The following DHX40 variants were observed in gnomAD, a reference collection of about 807,000 sequenced individuals.
DHX40 encodes the protein probable ATP-dependent RNA helicase DHX40.
In DHX40, 28 loss-of-function variants were observed where a neutral mutation model predicts 89.6. The observed-to-expected ratio is 0.31, with a 90% confidence interval of 0.23 to 0.43. The LOEUF (loss-of-function observed/expected upper bound fraction) is 0.43. Among genes scored for constraint, DHX40 ranks in the 20% least tolerant of loss-of-function variants. The pLI is 1.00. For missense variants in DHX40, 457 were observed against 844.0 expected (o/e 0.54, Z 5.68); for synonymous variants, 226 against 283.6 (o/e 0.80, Z 2.04).
intron 12 of DHX40, among the ~76,000 whole-genome samples, chr17:59,597,996 A>G (rs1275885984): frequency 2.7e-5 from 4 of 146,884 alleles, no homozygotes; most frequent in Non-Finnish European, 6.0e-5. Flanking sequence ...CCTCCTGAGT[A>G]GCTGGGACTA....
Position 59,587,911 on chromosome 17 carries a change from C to T in DHX40, c.1440C>T (p.Thr480=). The T allele has an allele frequency of 1.2e-6, 2 of 1,613,052 alleles. No individual in the cohort carries two copies. The highest frequency in any genetic ancestry group is 1.7e-6 in the Non-Finnish European group (2 of 1,179,466). The part of the protein sequence containing the change: ...CDAIDRSGHV[T]RLGLSMVEFP... ...TTGTATTAAGGAGTGGCCATGTCAC[C>T]AGATTGGGTTTGTCTATGGTGGAGT... The change falls in exon 12 of 18, where the codon ACC becomes ACT. Residue 480 remains threonine (T), a synonymous_variant. Transcript: ENST00000251241.
rs191816784 is a variant in DHX40, at chr17:59,601,560, T to C, written c.1807-962T>C. On this transcript the variant is annotated intron_variant, in intron 14 of 17. Transcript: ENST00000251241. Reference sequence around the variant, plus strand: ...ATTTTTACATTTTATTTTTCAGGTCTCTACTTTTTGAACATATGTAATCCA... The same window carrying C: ...ATTTTTACATTTTATTTTTCAGGTCCCTACTTTTTGAACATATGTAATCCA... Among the ~76,000 whole-genome samples the C allele has an allele frequency of 2.2e-4, 34 of 152,288 alleles. No homozygotes were observed. The East Asian group carries it at 6.5e-3, about 29-fold the overall frequency.
chr17:59,570,737 T>C (rs928624860), intron 3 of DHX40, 74 bp downstream of exon 3: 18 of 1,458,194 alleles, frequency 1.2e-5, no homozygotes, highest in African/African-American at 5.8e-5. Flanking sequence ...CAGCCTGGAG[T>C]GCGTGGCGCA....
At chr17:59,574,363 G>A (rs1292397806) in intron 6 of DHX40, 109 bp downstream of exon 6, 4 of 362,880 alleles carry the variant, frequency 1.1e-5, no homozygotes, top group Non-Finnish European at 2.1e-5. Context: ...CTCAAGTGTT[G>A]CCCTAGCTTT....
intron 3 of DHX40, 56 bp downstream of exon 3, chr17:59,570,719 C>A: frequency 6.5e-7 from 1 of 1,545,912 alleles, no homozygotes; most frequent in South Asian, 1.2e-5. Context: ...GGGTCTTGCT[C>A]TGTCGCCCAG....
chr17:59,601,306 C>G (rs2030509244), intron 14 of DHX40, among the ~76,000 whole-genome samples: 1 of 152,150 alleles, frequency 6.6e-6, no homozygotes, highest in African/African-American at 2.4e-5. Context: ...AAGACCCTGA[C>G]TCAAAACAAA....
At chr17:59,606,387 A>G (rs1178089690) in intron 17 of DHX40, among the ~76,000 whole-genome samples, 1 of 152,198 alleles carries the variant, frequency 6.6e-6, no homozygotes, top group African/African-American at 2.4e-5. Flanking sequence ...TTTATTTGAC[A>G]TCACTGCAAA....
chr17:59,571,313 T>C (rs1277185896), intron 3 of DHX40, among the ~76,000 whole-genome samples: 2 of 151,924 alleles, frequency 1.3e-5, no homozygotes, highest in South Asian at 2.1e-4. Context: ...CAAAATTAGC[T>C]GGGCACGGTG....
At chr17:59,575,627 G>A (rs1179716096) in intron 7 of DHX40, 156 bp downstream of exon 7, 1 of 633,730 alleles carries the variant, frequency 1.6e-6, no homozygotes, top group Non-Finnish European at 2.9e-6. Flanking sequence ...AAACAAATCA[G>A]TGAGAACCAG....
chr17:59,571,024 C>T (rs144288635), intron 3 of DHX40, among the ~76,000 whole-genome samples: 407 of 152,228 alleles, frequency 2.7e-3, no homozygotes, highest in African/African-American at 9.5e-3. Context: ...AGTTTATTTT[C>T]TTAGGATTCT....
chr17:59,589,852 C>T (rs2049056025), intron 12 of DHX40, among the ~76,000 whole-genome samples: 1 of 147,996 alleles, frequency 6.8e-6, no homozygotes, highest in South Asian at 2.1e-4. Flanking sequence ...TCCCAGGTAG[C>T]TGGGATTACA....
At chr17:59,603,353 T>A (rs973607005) in intron 15 of DHX40, 1 of 152,184 alleles carries the variant, frequency 6.6e-6, no homozygotes, top group Non-Finnish European at 1.5e-5. Context: ...ATAATAACAA[T>A]GAATAGACAT....
At position 59,566,808 on chromosome 17, in the gene DHX40, G is replaced by T. The variant is rs764400505; in HGVS notation, c.280+14G>T. ...TATATGAAGCAGGTGATTTTTTTCT[G>T]TTGTAATAATTGGAAATATTTTAAA... On this transcript the variant is annotated intron_variant, in intron 2 of 17. Coordinates refer to ENST00000251241, the MANE Select transcript of DHX40 (RefSeq NM_024612.5). 1.3e-6 allele frequency: 2 copies of T among 1,553,908 alleles called. No homozygotes were observed. The highest frequency in any genetic ancestry group is 2.8e-5 in the African/African-American group (2 of 71,104).
intron 1 of DHX40, 107 bp downstream of exon 1, chr17:59,565,890 C>A: frequency 2.1e-6 from 2 of 948,968 alleles, no homozygotes; most frequent in African/African-American, 1.7e-5. Context: ...AGTGAGGAAG[C>A]CGTGGCGTTC....
At position 59,588,526 on chromosome 17, in the gene DHX40, T is replaced by G. The variant is rs2049034332; in HGVS notation, c.1582+473T>G. Among the ~76,000 whole-genome samples the G allele has an allele frequency of 4.6e-5, 7 of 152,240 alleles. No individual in the cohort carries two copies. In the South Asian group the frequency reaches 1.5e-3, roughly 32 times the overall value. On this transcript the variant is annotated intron_variant, in intron 12 of 17. Coordinates refer to ENST00000251241, the MANE Select transcript of DHX40 (RefSeq NM_024612.5). ...TCTGTATTTTTAGTAGAGGCGCGGT[T>G]TCTCCATGTTGGCCAGGCTGGTCTC...
At chr17:59,570,426 G>A in intron 2 of DHX40, 92 bp from the exon 3 acceptor site, 1 of 1,253,372 alleles carries the variant, frequency 8.0e-7, no homozygotes. Context: ...AAACATTCAA[G>A]CAGTTTTGTG....
At chr17:59,596,221 A>G (rs1030797867) in intron 12 of DHX40, among the ~76,000 whole-genome samples, 3 of 152,066 alleles carry the variant, frequency 2.0e-5, no homozygotes, top group Non-Finnish European at 4.4e-5. Context: ...TTGGCATGAT[A>G]TCTTCTGGGG....
At chr17:59,600,775 AGTTTGAGGTTGCAGTGAG>A (rs1415528910) in intron 14 of DHX40, among the ~76,000 whole-genome samples, 3 of 151,034 alleles carry the variant, frequency 2.0e-5, no homozygotes, top group East Asian at 3.9e-4. Flanking sequence ...TGAGTCCAGG[AGTTTGAGGTTGCAGTGAG>A]GTATGATGCC....
At chr17:59,577,183 G>A in intron 7 of DHX40, 83 bp from the exon 8 acceptor site, 1 of 1,179,126 alleles carries the variant, frequency 8.5e-7, no homozygotes, top group East Asian at 2.4e-5. Flanking sequence ...AACATGACTT[G>A]TAATGAAAAA....
Sources: allele counts gnomAD v4.1 joint callset (sites outside exome capture counted in the v4.1 genomes callset), GRCh38; gene constraint gnomAD v4.1.1; transcripts MANE v1.5; gene names NCBI Gene and HGNC (gene_info 2026-07-23, HGNC 2026-07-21).